SLMAP: variants seen among roughly 807,000 people sequenced by gnomAD.
SLMAP encodes the protein sarcolemmal membrane-associated protein.
Under a neutral mutation model 128.8 loss-of-function variants are expected in SLMAP, and 44 were observed. The observed-to-expected ratio is 0.34, with a 90% CI of 0.27 to 0.44. The LOEUF (loss-of-function observed/expected upper bound fraction) is 0.44. SLMAP is among the 20% of genes least tolerant of loss of function. SLMAP has a pLI of 1.00. For missense variants in SLMAP, 787 were observed against 985.3 expected, an observed-to-expected ratio of 0.80 and a Z score of 2.69; for synonymous variants, 327 against 348.8, an observed-to-expected ratio of 0.94 and a Z score of 0.70.
At chr3:57,911,980 G>A (rs1329122905) in intron 19 of SLMAP, among the ~76,000 whole-genome samples, 2 of 128,184 alleles carry the variant, frequency 1.6e-5, no homozygotes, top group Non-Finnish European at 3.4e-5. Context: ...ACACTGAACA[G>A]CCTAAAATGT....
chr3:57,790,215 T>G (rs983473585), intron 2 of SLMAP, among the ~76,000 whole-genome samples: 1 of 152,178 alleles, frequency 6.6e-6, no homozygotes, highest in Non-Finnish European at 1.5e-5. Flanking sequence ...TATGAAAAGT[T>G]TGTGTGTGTA....
At chr3:57,830,196 C>T (rs1284684713) in intron 2 of SLMAP, among the ~76,000 whole-genome samples, 1 of 151,910 alleles carries the variant, frequency 6.6e-6, no homozygotes, top group Non-Finnish European at 1.5e-5. Context: ...CACCACACCA[C>T]CATACACCAC....
At chr3:57,881,846 A>G (rs911177151) in intron 14 of SLMAP, among the ~76,000 whole-genome samples, 1 of 152,170 alleles carries the variant, frequency 6.6e-6, no homozygotes, top group Non-Finnish European at 1.5e-5. Context: ...AATAGCAGCT[A>G]ATTAGCCAGG....
chr3:57,786,953 A>G (rs529090364), intron 2 of SLMAP, among the ~76,000 whole-genome samples: 73 of 151,606 alleles, frequency 4.8e-4, no homozygotes, highest in East Asian at 2.5e-3. Context: ...AGCCAGGATG[A>G]TCTCGATCGC....
At chr3:57,883,436 G>T (rs952754507) in intron 14 of SLMAP, among the ~76,000 whole-genome samples, 1 of 152,060 alleles carries the variant, frequency 6.6e-6, no homozygotes, top group Non-Finnish European at 1.5e-5. Flanking sequence ...GATCTTAAAG[G>T]CTAATGCACA....
intron 2 of SLMAP, among the ~76,000 whole-genome samples, chr3:57,825,123 T>G (rs2092819939): frequency 6.6e-6 from 1 of 152,212 alleles, no homozygotes; most frequent in African/African-American, 2.4e-5. Flanking sequence ...CTGGATTTGT[T>G]TAACTCATAG....
At chr3:57,908,033 T>C (rs1262503764) in intron 18 of SLMAP, 27 bp downstream of exon 18, 18 of 1,610,748 alleles carry the variant, frequency 1.1e-5, no homozygotes, top group Non-Finnish European at 1.4e-5. Context: ...TTTGGTTCTT[T>C]AGGGATGTGT....
At chr3:57,923,528 A>C (rs2096952387) in intron 23 of SLMAP, among the ~76,000 whole-genome samples, 1 of 152,210 alleles carries the variant, frequency 6.6e-6, no homozygotes, top group Non-Finnish European at 1.5e-5. Context: ...TGAGAGAGAG[A>C]GATGAACATT....
chr3:57,854,501 G>A (rs999170405), intron 6 of SLMAP, among the ~76,000 whole-genome samples: 1 of 152,110 alleles, frequency 6.6e-6, no homozygotes, highest in African/African-American at 2.4e-5. Flanking sequence ...AGAAGGCTGA[G>A]GCATGAGAAT....
intron 3 of SLMAP, among the ~76,000 whole-genome samples, chr3:57,833,931 G>GA (rs1016618247): frequency 2.0e-5 from 3 of 151,948 alleles, no homozygotes; most frequent in Non-Finnish European, 4.4e-5. Context: ...GGACATACCA[G>GA]AAAAAAAGTA....
intron 17 of SLMAP, among the ~76,000 whole-genome samples, chr3:57,903,962 A>G (rs990533115): frequency 1.3e-5 from 2 of 152,208 alleles, no homozygotes; most frequent in Non-Finnish European, 2.9e-5. Context: ...CCCAAGCCAT[A>G]ATAAACTAGT....
chr3:57,879,847 G>A (rs1326499474), intron 14 of SLMAP, among the ~76,000 whole-genome samples: 1 of 151,972 alleles, frequency 6.6e-6, no homozygotes, highest in African/African-American at 2.4e-5. Flanking sequence ...CTTCATGGGA[G>A]GCTGAGGCAG....
chr3:57,875,244 C>G (rs560353683), intron 14 of SLMAP, among the ~76,000 whole-genome samples: 4 of 152,096 alleles, frequency 2.6e-5, no homozygotes, highest in African/African-American at 7.2e-5. Context: ...GCGAAAAAAA[C>G]CAGGCACAGT....
chr3:57,821,262 G>A (rs945166539), intron 2 of SLMAP, among the ~76,000 whole-genome samples: 9 of 151,986 alleles, frequency 5.9e-5, no homozygotes, highest in Non-Finnish European at 1.0e-4. Context: ...CTTGTGAGCT[G>A]GCCCCAAAAG....
At chr3:57,846,405 G>A (rs959521003) in intron 4 of SLMAP, among the ~76,000 whole-genome samples, 1 of 152,146 alleles carries the variant, frequency 6.6e-6, no homozygotes, top group African/African-American at 2.4e-5. Flanking sequence ...AAGAGGAATA[G>A]TAGTGTTTTG....
chr3:57,848,346 C>G (rs2094354498), intron 5 of SLMAP, among the ~76,000 whole-genome samples: 1 of 150,260 alleles, frequency 6.7e-6, no homozygotes, highest in African/African-American at 2.5e-5. Context: ...CTGTTTCTTC[C>G]TTTTACTTTC....
At chr3:57,877,851 T>A (rs1300167945) in intron 14 of SLMAP, among the ~76,000 whole-genome samples, 5 of 141,410 alleles carry the variant, frequency 3.5e-5, no homozygotes, top group African/African-American at 1.3e-4. Context: ...TTTTTTTTTT[T>A]TTAAACAGAG....
chr3:57,860,287 A>G (rs746501789), intron 8 of SLMAP, among the ~76,000 whole-genome samples: 11 of 152,216 alleles, frequency 7.2e-5, no homozygotes, highest in Non-Finnish European at 1.2e-4. Flanking sequence ...TGCCCCAGAC[A>G]TGAAGTCTGC....
At chr3:57,866,512 C>T (rs2095307878) in intron 13 of SLMAP, among the ~76,000 whole-genome samples, 1 of 152,100 alleles carries the variant, frequency 6.6e-6, no homozygotes, top group Non-Finnish European at 1.5e-5. Flanking sequence ...AATTTTGAAA[C>T]TCTCAAGAAA....
Sources: allele counts gnomAD v4.1 joint callset (sites outside exome capture counted in the v4.1 genomes callset), GRCh38; gene constraint gnomAD v4.1.1; transcripts MANE v1.5; gene names NCBI Gene and HGNC (gene_info 2026-07-23, HGNC 2026-07-21).